Variants in NAA60 observed in about 807,000 individuals in gnomAD.
The protein encoded by NAA60 is N-alpha-acetyltransferase 60, NatF catalytic subunit.
In NAA60, 8 loss-of-function variants were observed where a neutral mutation model predicts 26.1. The ratio of observed to expected loss-of-function variants is 0.31; its 90% CI spans 0.18 to 0.55. NAA60 has a LOEUF of 0.55. Among genes scored for constraint, NAA60 ranks in the 20% least tolerant of loss-of-function variants. The pLI is 0.93. For missense variants in NAA60, 290 were observed against 311.3 expected (o/e 0.93, Z 0.51); for synonymous variants, 131 against 122.5 (o/e 1.07, Z -0.46).
intron 2 of NAA60, among the ~76,000 whole-genome samples, chr16:3,475,807 T>C (rs1181743905): frequency 6.6e-6 from 1 of 152,140 alleles, no homozygotes; most frequent in African/African-American, 2.4e-5. Context: ...GGATGAGGCA[T>C]GGGGGCTGCT....
chr16:3,459,316 CTA>C lies in NAA60; in HGVS notation c.-7+10778_-7+10779del, dbSNP rs139018358. ...CATGTAGCACTGTGATGTAGAAATTCTATGATATATGGGTCAGTGTTCACAGG... is the reference window on the plus strand; with the variant it reads ...CATGTAGCACTGTGATGTAGAAATTCTGATATATGGGTCAGTGTTCACAGG... On this transcript the variant is annotated intron_variant, in intron 2 of 7. Coordinates refer to ENST00000407558, the MANE Select transcript of NAA60 (RefSeq NM_001083601.3). 4.5e-3 allele frequency among the ~76,000 whole-genome samples: 691 copies of C among 152,278 alleles called. 1 individual carries two copies. The highest frequency in any genetic ancestry group is 0.014 in the Middle Eastern group (4 of 294).
chr16:3,473,840 T>G (rs930726486), intron 2 of NAA60, among the ~76,000 whole-genome samples: 1 of 152,108 alleles, frequency 6.6e-6, no homozygotes, highest in African/African-American at 2.4e-5. Flanking sequence ...GTTCAAGTGA[T>G]TCTTCCACCT....
chr16:3,471,145 G>C (rs2036113616), intron 2 of NAA60, among the ~76,000 whole-genome samples: 1 of 152,160 alleles, frequency 6.6e-6, no homozygotes, highest in African/African-American at 2.4e-5. Flanking sequence ...AGAGATGCGA[G>C]CTTATTACGA....
At chr16:3,443,645 A>G (rs907893707), upstream of NAA60, 2 of 1,142,554 alleles carry the variant, frequency 1.8e-6, no homozygotes, top group African/African-American at 3.2e-5. Context: ...CAGCTGCGAG[A>G]GGTAGTTTTC....
At chr16:3,468,000 C>T (rs1171848760) in intron 2 of NAA60, 1 of 152,198 alleles carries the variant, frequency 6.6e-6, no homozygotes, top group South Asian at 2.1e-4. Context: ...CTAGAGGTTT[C>T]CCATTGGTTA....
intron 2 of NAA60, among the ~76,000 whole-genome samples, chr16:3,450,902 A>G (rs1397650863): frequency 6.6e-6 from 1 of 152,314 alleles, no homozygotes; most frequent in Non-Finnish European, 1.5e-5. Flanking sequence ...TGAGGACAAC[A>G]ATACTGAACT....
intron 2 of NAA60, chr16:3,458,055 C>T (rs984362550): frequency 1.5e-5 from 15 of 985,160 alleles, no homozygotes; most frequent in African/African-American, 3.5e-5. Context: ...GCCTCCGTCC[C>T]GGCTGCGGCC....
intron 1 of NAA60, 119 bp downstream of exon 1, chr16:3,443,956 G>C: frequency 7.2e-7 from 1 of 1,392,528 alleles, no homozygotes; most frequent in Non-Finnish European, 9.3e-7. Context: ...TGTCTTGAGC[G>C]GATGGTGGGG....
In NAA60 at chr16:3,476,212, T is replaced by G; in HGVS notation, c.-6-10T>G. ...GTGAGGTGACGCGTCCCCCCCACCC[T>G]TCCCCACAGGTGTGAATGACAGAGG... On this transcript the variant is annotated splice_polypyrimidine_tract_variant and intron_variant, in intron 2 of 7. Coordinates refer to ENST00000407558, the MANE Select transcript of NAA60 (RefSeq NM_001083601.3). The G allele has an allele frequency of 5.2e-4, 411 of 792,136 alleles. No homozygotes were observed. Among genetic ancestry groups the G allele is most frequent in the Non-Finnish European group, 7.6e-4 (375 of 493,282 alleles). The allele number at this position is 792,136 out of a possible 1,614,324, so 49.1% of individuals were successfully genotyped here. A position where few individuals can be genotyped will look rare whatever the true frequency, so the allele number is the denominator to read the frequency against.
intron 5 of NAA60, 61 bp downstream of exon 5, chr16:3,482,659 C>CA: frequency 8.2e-7 from 1 of 1,221,860 alleles, no homozygotes; most frequent in East Asian, 2.5e-5. Flanking sequence ...ACCCCACCCC[C>CA]ATCCCATCTG....
chr16:3,477,555 C>A (rs1391550318), intron 3 of NAA60, among the ~76,000 whole-genome samples: 3 of 151,170 alleles, frequency 2.0e-5, no homozygotes, highest in African/African-American at 7.2e-5. Context: ...AATCCCAGCA[C>A]TTTGGGAGGC....
intron 1 of NAA60, 30 bp downstream of exon 1, chr16:3,443,867 C>T: frequency 1.3e-6 from 2 of 1,525,116 alleles, no homozygotes; most frequent in East Asian, 2.5e-5. Flanking sequence ...CCCTGTAGGC[C>T]TGAAATTTCG....
At chr16:3,466,297 A>G (rs576223752) in intron 2 of NAA60, among the ~76,000 whole-genome samples, 1 of 152,266 alleles carries the variant, frequency 6.6e-6, no homozygotes, top group Non-Finnish European at 1.5e-5. Context: ...CTTCAGAGAG[A>G]GGCTGTTTGG....
intron 5 of NAA60, 119 bp downstream of exon 5, chr16:3,482,717 C>T: frequency 4.0e-6 from 3 of 741,480 alleles, no homozygotes; most frequent in South Asian, 1.5e-5. Flanking sequence ...GTGAACATCC[C>T]TCAGTCTCAT....
chr16:3,457,814 C>T (rs1219834848), intron 2 of NAA60, among the ~76,000 whole-genome samples: 1 of 152,168 alleles, frequency 6.6e-6, no homozygotes, highest in Non-Finnish European at 1.5e-5. Flanking sequence ...CCGGCCATGT[C>T]TCGGCGACCT....
Position 3,482,567 on chromosome 16 carries a change from C to G in NAA60, c.306C>G (p.Gly102=), listed in dbSNP as rs369753931. 1 of 1,608,500 alleles carries G rather than the reference C, an allele frequency of 6.2e-7. No individual in the cohort carries two copies. The highest frequency in any genetic ancestry group is 8.5e-7 in the Non-Finnish European group (1 of 1,177,536). The change falls in exon 5 of 8, where the codon GGC becomes GGG. Residue 102 remains glycine, a synonymous_variant. Coordinates refer to ENST00000407558, the MANE Select transcript of NAA60 (RefSeq NM_001083601.3). The part of the protein sequence containing the change: ...DTQVAYILSL[G]VVKEFRKHGI... ...AAGTCGCGTACATCCTAAGTCTGGG[C>G]GTCGTGAAAGAGTTCAGGAAGCACG...
intron 2 of NAA60, among the ~76,000 whole-genome samples, chr16:3,460,025 C>G (rs2035276604): frequency 1.3e-5 from 2 of 152,212 alleles, no homozygotes; most frequent in Admixed American, 6.5e-5. Context: ...GTGCTCGTAA[C>G]TGGAGACGGG....
Position 3,484,830 on chromosome 16 carries a change from G to T in NAA60, c.704G>T (p.Gly235Val), listed in dbSNP as rs867851725. ...LPWSGISSKS[G>V]IEYSRTM ...TGGTCGGGCATCTCTTCCAAGAGTGGCATCGAGTACAGCCGGACCATGTGA... is the reference window on the plus strand; with the variant it reads ...TGGTCGGGCATCTCTTCCAAGAGTGTCATCGAGTACAGCCGGACCATGTGA... Residue 235 changes from glycine to valine, a missense_variant, in exon 7 of 8, where the codon GGC becomes GTC. Coordinates refer to ENST00000407558, the MANE Select transcript of NAA60 (RefSeq NM_001083601.3). 2 of 1,567,962 alleles carry T rather than the reference G, an allele frequency of 1.3e-6. No individual in the cohort carries two copies. The highest frequency in any genetic ancestry group is 1.9e-5 in the Admixed American group (1 of 53,226).
chr16:3,482,675 A>G, intron 5 of NAA60, 77 bp downstream of exon 5: 1 of 741,326 alleles, frequency 1.3e-6, no homozygotes, highest in African/African-American at 3.6e-5. Context: ...ATCTGCACCC[A>G]GTCTCTTCCC....
Sources: allele counts gnomAD v4.1 joint callset (sites outside exome capture counted in the v4.1 genomes callset), GRCh38; gene constraint gnomAD v4.1.1; transcripts MANE v1.5; gene names NCBI Gene and HGNC (gene_info 2026-07-23, HGNC 2026-07-21).